Variants in SCHIP1 observed in about 807,000 individuals in gnomAD.
SCHIP1 encodes schwannomin interacting protein 1, also known as schwannomin-interacting protein 1.
SCHIP1 carries 8 observed loss-of-function variants against 29.7 expected under a neutral mutation model. The observed-to-expected ratio is 0.27, with a 90% CI of 0.16 to 0.49. The LOEUF (loss-of-function observed/expected upper bound fraction) is 0.49. Among genes scored for constraint, SCHIP1 ranks in the 20% least tolerant of loss-of-function variants. The pLI is 0.99. For synonymous variants in SCHIP1, 76 were observed against 94.9 expected (o/e 0.80, Z 1.16); for missense variants, 193 against 294.6 (o/e 0.66, Z 2.52).
the SCHIP1 span, among the ~76,000 whole-genome samples, chr3:159,649,466 C>T: frequency 8.1e-3 from 1,230 of 151,904 alleles, 12 homozygotes; most frequent in African/African-American, 0.028. Context: ...ATAAAAACAG[C>T]GAAAGAACCA....
At chr3:159,381,429 C>CA in the SCHIP1 span, among the ~76,000 whole-genome samples, 1 of 151,976 alleles carries the variant, frequency 6.6e-6, no homozygotes, top group South Asian at 2.1e-4. Flanking sequence ...TAGTTTAGGC[C>CA]AAAAAACCTG....
At chr3:159,788,132 G>A in the SCHIP1 span, among the ~76,000 whole-genome samples, 3 of 152,068 alleles carry the variant, frequency 2.0e-5, no homozygotes, top group Non-Finnish European at 2.9e-5. Context: ...GAGTGAGCTG[G>A]CCCCACAGAG....
chr3:159,529,512 T>C, the SCHIP1 span, among the ~76,000 whole-genome samples: 54 of 152,316 alleles, frequency 3.5e-4, no homozygotes, highest in African/African-American at 1.2e-3. Flanking sequence ...TATTTATGGC[T>C]TACATGTGAT....
At chr3:159,511,239 G>A in the SCHIP1 span, among the ~76,000 whole-genome samples, 1 of 152,202 alleles carries the variant, frequency 6.6e-6, no homozygotes, top group Non-Finnish European at 1.5e-5. Context: ...CAATGAGCGA[G>A]GCTCCATGGG....
At chr3:159,605,727 TTAAA>T in the SCHIP1 span, among the ~76,000 whole-genome samples, 1 of 152,280 alleles carries the variant, frequency 6.6e-6, no homozygotes, top group Admixed American at 6.5e-5. Context: ...TAAGGCTTAT[TTAAA>T]TAATTAATTA....
the SCHIP1 span, among the ~76,000 whole-genome samples, chr3:159,387,873 C>A: frequency 6.6e-6 from 1 of 152,090 alleles, no homozygotes; most frequent in Non-Finnish European, 1.5e-5. Flanking sequence ...TAAGTAATAT[C>A]AAGTGATATC....
chr3:159,514,228 A>G, the SCHIP1 span, among the ~76,000 whole-genome samples: 2 of 152,168 alleles, frequency 1.3e-5, no homozygotes, highest in Admixed American at 1.3e-4. Flanking sequence ...AGGCCTGTCC[A>G]TTTTTGTTTG....
chr3:159,770,136 T>C, the SCHIP1 span, among the ~76,000 whole-genome samples: 1 of 152,258 alleles, frequency 6.6e-6, no homozygotes, highest in Non-Finnish European at 1.5e-5. Flanking sequence ...CAGTGGTTCG[T>C]TTGAACTCTT....
At chr3:159,839,281 C>T (rs1743974104), upstream of SCHIP1, among the ~76,000 whole-genome samples, 2 of 132,822 alleles carry the variant, frequency 1.5e-5, no homozygotes, top group Admixed American at 7.2e-5. Flanking sequence ...ATGTACAAAG[C>T]CTTACATTAA....
chr3:159,811,867 GTTGAGGGGCA>G, the SCHIP1 span, among the ~76,000 whole-genome samples: 1 of 151,890 alleles, frequency 6.6e-6, no homozygotes, highest in East Asian at 1.9e-4. Context: ...TATAGATCAC[GTTGAGGGGCA>G]TTGCTATTTT....
chr3:159,285,303 A>G, the SCHIP1 span, among the ~76,000 whole-genome samples: 1 of 152,070 alleles, frequency 6.6e-6, no homozygotes, highest in East Asian at 1.9e-4. Flanking sequence ...TGTTTCCGTG[A>G]TAGATAACAG....
At chr3:159,280,557 C>T in the SCHIP1 span, among the ~76,000 whole-genome samples, 12 of 152,176 alleles carry the variant, frequency 7.9e-5, 1 homozygote, top group Non-Finnish European at 1.2e-4. Context: ...CAAAGGGACA[C>T]GAAAGCTTAA....
At chr3:159,661,595 G>A in the SCHIP1 span, among the ~76,000 whole-genome samples, 3 of 152,166 alleles carry the variant, frequency 2.0e-5, no homozygotes, top group Non-Finnish European at 2.9e-5. Context: ...AGTGAAATGT[G>A]CCCCAAACAC....
the SCHIP1 span, among the ~76,000 whole-genome samples, chr3:159,772,959 T>C: frequency 6.6e-6 from 1 of 152,164 alleles, no homozygotes; most frequent in African/African-American, 2.4e-5. Flanking sequence ...CAGGCTAGTC[T>C]CGAACTCCTG....
the SCHIP1 span, among the ~76,000 whole-genome samples, chr3:159,404,545 C>T: frequency 3.3e-5 from 5 of 152,104 alleles, no homozygotes; most frequent in African/African-American, 1.2e-4. Context: ...GGAGTGACTC[C>T]TTTGCTTGTG....
chr3:159,459,578 C>T, the SCHIP1 span, among the ~76,000 whole-genome samples: 22 of 151,762 alleles, frequency 1.4e-4, no homozygotes, highest in South Asian at 1.2e-3. Context: ...AAATGTGATG[C>T]GGCTGTATCA....
At chr3:159,397,620 A>G in the SCHIP1 span, among the ~76,000 whole-genome samples, 2 of 152,182 alleles carry the variant, frequency 1.3e-5, no homozygotes, top group African/African-American at 4.8e-5. Flanking sequence ...GGTGCCTCCC[A>G]GTTAGGCTGC....
At chr3:159,331,311 A>C in the SCHIP1 span, among the ~76,000 whole-genome samples, 1 of 152,106 alleles carries the variant, frequency 6.6e-6, no homozygotes, top group Non-Finnish European at 1.5e-5. Context: ...TCCATCTGTC[A>C]TTGCCTGAAG....
At chr3:159,385,758 G>A in the SCHIP1 span, among the ~76,000 whole-genome samples, 1 of 152,098 alleles carries the variant, frequency 6.6e-6, no homozygotes, top group South Asian at 2.1e-4. Flanking sequence ...GAACGTGCAG[G>A]TTTGTTACAT....
Sources: allele counts gnomAD v4.1 joint callset (sites outside exome capture counted in the v4.1 genomes callset), GRCh38; gene constraint gnomAD v4.1.1; transcripts MANE v1.5; gene names NCBI Gene and HGNC (gene_info 2026-07-23, HGNC 2026-07-21).